The following CDH12 variants were observed in gnomAD, a reference collection of about 807,000 sequenced individuals.
CDH12 encodes cadherin 12.
A neutral mutation model predicts 74.1 loss-of-function variants in CDH12; 41 were observed. The observed-to-expected ratio is 0.55, with a 90% CI of 0.43 to 0.72. CDH12 has a LOEUF of 0.72. Among genes scored for constraint, CDH12 ranks in the 30% least tolerant of loss-of-function variants. The probability of loss-of-function intolerance (pLI) is 0.00; values close to 1 mark genes in which losing one functional copy is unlikely to be tolerated. For missense variants in CDH12, 945 were observed against 977.2 expected (o/e 0.97, Z 0.44); for synonymous variants, 399 against 355.0 (o/e 1.12, Z -1.39).
intron 2 of CDH12, among the ~76,000 whole-genome samples, chr5:22,460,116 A>G (rs1027745578): frequency 6.6e-6 from 1 of 152,246 alleles, no homozygotes; most frequent in African/African-American, 2.4e-5. Flanking sequence ...TAGAAAATAT[A>G]AGCAGCTAGA....
intron 3 of CDH12, among the ~76,000 whole-genome samples, chr5:22,248,705 T>C (rs1437473641): frequency 6.6e-6 from 1 of 152,162 alleles, no homozygotes; most frequent in Non-Finnish European, 1.5e-5. Flanking sequence ...TATCCAATAG[T>C]ATCAATAGGT....
At chr5:22,400,286 G>A (rs1319995758) in intron 3 of CDH12, among the ~76,000 whole-genome samples, 1 of 152,034 alleles carries the variant, frequency 6.6e-6, no homozygotes, top group Non-Finnish European at 1.5e-5. Flanking sequence ...AAAGGTCACA[G>A]TACAACAAGG....
At chr5:22,618,264 A>AC (rs1443237625) in intron 1 of CDH12, among the ~76,000 whole-genome samples, 1 of 152,132 alleles carries the variant, frequency 6.6e-6, no homozygotes, top group African/African-American at 2.4e-5. Context: ...TGCTATGACC[A>AC]CAAGTTGAGA....
chr5:21,883,982 T>C, intron 6 of CDH12: 1 of 1,586,430 alleles, frequency 6.3e-7, no homozygotes. Context: ...AAAAAATTGG[T>C]ATGGAAATTA....
At chr5:22,664,114 G>A (rs1015301783) in intron 1 of CDH12, among the ~76,000 whole-genome samples, 10 of 152,062 alleles carry the variant, frequency 6.6e-5, no homozygotes, top group Admixed American at 3.9e-4. Context: ...GTCAACAATA[G>A]GTCTTTTGTT....
chr5:22,825,071 T>C (rs1488207267), intron 1 of CDH12, among the ~76,000 whole-genome samples: 2 of 152,198 alleles, frequency 1.3e-5, no homozygotes, highest in East Asian at 3.9e-4. Flanking sequence ...GAGATATCTC[T>C]ACAATCACGC....
In CDH12 at chr5:21,854,760, T is replaced by A; in HGVS notation, c.557A>T (p.Asp186Val). 3 of 1,609,776 alleles carry A rather than the reference T, an allele frequency of 1.9e-6. No individual in the cohort carries two copies. Among genetic ancestry groups the A allele is most frequent in the Non-Finnish European group, 2.5e-6 (3 of 1,177,266 alleles). Residue 186 changes from aspartate to valine, a missense_variant, in exon 7 of 15, where the codon GAT (aspartate) becomes GTT (valine). Asp to Val is a radical substitution (Grantham distance 152, BLOSUM62 -3). Around this residue, in one of 3 missense-constraint regions of CDH12, gnomAD observed 791 missense variants for 792.8 expected, o/e 1.00. Coordinates refer to ENST00000382254, the MANE Select transcript of CDH12 (RefSeq NM_004061.5). ...GAYVLQVKAT[D>V]ADDPTYGNSA... ...GTTTCCATAGGTCGGGTCATCTGCATCTGTGGCCTTGACCTGGAGTACATA... is the reference window on the plus strand; with the variant it reads ...GTTTCCATAGGTCGGGTCATCTGCAACTGTGGCCTTGACCTGGAGTACATA...
intron 2 of CDH12, among the ~76,000 whole-genome samples, chr5:22,486,750 G>A (rs974674126): frequency 6.6e-6 from 1 of 151,898 alleles, no homozygotes; most frequent in South Asian, 2.1e-4. Context: ...ACTGTGCCCG[G>A]CCAGTAACTT....
intron 2 of CDH12, among the ~76,000 whole-genome samples, chr5:22,501,268 A>G (rs1441932586): frequency 6.6e-6 from 1 of 152,174 alleles, no homozygotes; most frequent in Non-Finnish European, 1.5e-5. Flanking sequence ...GATCTGATCT[A>G]TGACTATTTA....
At chr5:22,236,813 A>T (rs1405211511) in intron 3 of CDH12, among the ~76,000 whole-genome samples, 1 of 152,086 alleles carries the variant, frequency 6.6e-6, no homozygotes, top group African/African-American at 2.4e-5. Context: ...GATCAGGATA[A>T]TCAATTTCAC....
chr5:22,362,625 T>C lies in CDH12; in HGVS notation c.-333+42632A>G, dbSNP rs568331120. Among the ~76,000 whole-genome samples, 6 of 152,134 alleles carry C rather than the reference T, an allele frequency of 3.9e-5. No homozygotes were observed. The East Asian group carries it at 9.7e-4, about 25-fold the overall frequency. ...TAAATCATGCTGCTATAAAGACACA[T>C]GCACACATATGTTTATTGTGGCACT... On this transcript the variant is annotated intron_variant, in intron 3 of 14. Transcript: ENST00000382254.
At chr5:21,776,563 C>G (rs924860885) in intron 11 of CDH12, among the ~76,000 whole-genome samples, 3 of 152,112 alleles carry the variant, frequency 2.0e-5, no homozygotes, top group African/African-American at 7.2e-5. Flanking sequence ...GATCCACTTC[C>G]GATTACCAGT....
At chr5:22,525,927 T>C (rs1198875617) in intron 1 of CDH12, among the ~76,000 whole-genome samples, 1 of 152,170 alleles carries the variant, frequency 6.6e-6, no homozygotes, top group Non-Finnish European at 1.5e-5. Context: ...GAAGAAAGTA[T>C]ATTAGTAGAC....
intron 9 of CDH12, among the ~76,000 whole-genome samples, chr5:21,803,762 A>G (rs1345561604): frequency 6.6e-6 from 1 of 152,156 alleles, no homozygotes; most frequent in African/African-American, 2.4e-5. Flanking sequence ...GTCTGACCCC[A>G]GTAAGTTGCT....
intron 5 of CDH12, among the ~76,000 whole-genome samples, chr5:22,018,448 G>T (rs559887418): frequency 1.3e-4 from 20 of 152,320 alleles, no homozygotes; most frequent in African/African-American, 4.8e-4. Context: ...CTCTGTGATT[G>T]CAGTGATAGT....
At chr5:22,333,793 T>C (rs1482942288) in intron 3 of CDH12, among the ~76,000 whole-genome samples, 1 of 152,230 alleles carries the variant, frequency 6.6e-6, no homozygotes, top group East Asian at 1.9e-4. Flanking sequence ...CATGAATAAG[T>C]TGGATTTATC....
chr5:21,878,574 C>CAAAAAA (rs55681202), intron 6 of CDH12, among the ~76,000 whole-genome samples: 2 of 119,748 alleles, frequency 1.7e-5, no homozygotes, highest in Non-Finnish European at 1.6e-5. Context: ...ACCAAAAATA[C>CAAAAAA]AAAAAAAAAA....
At chr5:22,089,014 G>C (rs1257532729) in intron 4 of CDH12, among the ~76,000 whole-genome samples, 3 of 152,038 alleles carry the variant, frequency 2.0e-5, no homozygotes. Flanking sequence ...GCAGTACAAT[G>C]GTAAAAAGTA....
intron 4 of CDH12, among the ~76,000 whole-genome samples, chr5:22,177,467 T>C (rs1304506357): frequency 6.6e-6 from 1 of 152,176 alleles, no homozygotes; most frequent in Admixed American, 6.6e-5. Context: ...CAAGTAGATA[T>C]AGTATCAACT....
Sources: allele counts gnomAD v4.1 joint callset (sites outside exome capture counted in the v4.1 genomes callset), GRCh38; gene constraint gnomAD v4.1.1; regional missense constraint gnomAD v4.1.1; transcripts MANE v1.5; gene names NCBI Gene and HGNC (gene_info 2026-07-23, HGNC 2026-07-21).